The following SCIN variants were observed in gnomAD, a reference collection of about 807,000 sequenced individuals.
SCIN encodes adseverin.
In SCIN, 91 loss-of-function variants were observed where a neutral mutation model predicts 91.8. That is an observed-to-expected ratio of 0.99 (90% CI 0.84 to 1.18). SCIN has a LOEUF of 1.18. SCIN is among the 50% of genes most tolerant of loss of function. SCIN has a pLI of 0.00. For missense variants in SCIN, 1,087 were observed against 863.9 expected (o/e 1.26, Z -3.24); for synonymous variants, 367 against 312.6 (o/e 1.17, Z -1.84).
chr7:12,644,346 A>G (rs532767293), intron 12 of SCIN, 31 bp downstream of exon 12: 18 of 1,554,680 alleles, frequency 1.2e-5, no homozygotes, highest in Middle Eastern at 3.4e-4. Flanking sequence ...GGCACTAACT[A>G]GAATTTATAC....
intron 13 of SCIN, among the ~76,000 whole-genome samples, chr7:12,648,015 C>T (rs1344405332): frequency 6.6e-6 from 1 of 152,098 alleles, no homozygotes; most frequent in Non-Finnish European, 1.5e-5. Context: ...AATGGGGAAC[C>T]ATAATCCAAA....
At chr7:12,605,329 A>C (rs748306248) in intron 4 of SCIN, among the ~76,000 whole-genome samples, 1 of 152,078 alleles carries the variant, frequency 6.6e-6, no homozygotes, top group Admixed American at 6.6e-5. Context: ...GATTACAGGC[A>C]TGAGCCACCC....
At chr7:12,582,885 A>G (rs1427311991) in intron 3 of SCIN, among the ~76,000 whole-genome samples, 1 of 152,178 alleles carries the variant, frequency 6.6e-6, no homozygotes, top group Non-Finnish European at 1.5e-5. Flanking sequence ...CTCAACTTTC[A>G]TCTCCACCAC....
In SCIN at chr7:12,647,468, T is replaced by G. The variant is rs189014654; in HGVS notation, c.1882-1999T>G. Among the ~76,000 whole-genome samples, 9 of 152,304 alleles carry G rather than the reference T, an allele frequency of 5.9e-5. No individual in the cohort carries two copies. The East Asian group carries it at 1.4e-3, about 23-fold the overall frequency. On this transcript the variant is annotated intron_variant, in intron 13 of 15. Coordinates refer to ENST00000297029, the MANE Select transcript of SCIN (RefSeq NM_001112706.3). ...CAATCTGCCCATGTGCTGTCACTTA[T>G]CTGGTGGTAGTACTTGCTGGCTGTG... is the stretch of plus-strand genomic sequence containing the variant.
intron 13 of SCIN, among the ~76,000 whole-genome samples, chr7:12,648,831 G>A (rs911502234): frequency 1.3e-5 from 2 of 152,128 alleles, no homozygotes; most frequent in Non-Finnish European, 2.9e-5. Flanking sequence ...AGTTTATTGA[G>A]ATGCAAGGCT....
intron 5 of SCIN, among the ~76,000 whole-genome samples, chr7:12,623,554 T>C (rs1463750823): frequency 3.9e-5 from 6 of 152,140 alleles, no homozygotes; most frequent in Non-Finnish European, 7.4e-5. Context: ...CTGTTGAGGG[T>C]AACAAAAACT....
chr7:12,659,253 G>A lies in SCIN; in HGVS notation c.*6538G>A, dbSNP rs1784221095. On this transcript the variant is annotated 3_prime_UTR_variant, in exon 16 of 16. Transcript: ENST00000297029. ...TTACAGGCATGAGCCACCGCACCCA[G>A]CCCTATTTATGTTTTTTAAAAGCAC... The A allele has an allele frequency of 6.6e-6, 1 of 152,232 alleles. No homozygotes were observed. Among genetic ancestry groups the A allele is most frequent in the African/African-American group, 2.4e-5 (1 of 41,422 alleles). 9.4% of individuals were successfully genotyped at this position (152,232 alleles called of 1,614,324 possible).
intron 4 of SCIN, among the ~76,000 whole-genome samples, chr7:12,621,006 T>C (rs985306841): frequency 6.6e-6 from 1 of 152,148 alleles, no homozygotes; most frequent in African/African-American, 2.4e-5. Flanking sequence ...ATGAGCTAAA[T>C]GCCAATCGCG....
chr7:12,648,225 A>G (rs1301820053), intron 13 of SCIN, among the ~76,000 whole-genome samples: 2 of 152,104 alleles, frequency 1.3e-5, no homozygotes, highest in East Asian at 1.9e-4. Context: ...ATATTATGTT[A>G]TAATGTCATC....
At chr7:12,577,418 T>C (rs1782394231) in intron 1 of SCIN, 1 of 391,706 alleles carries the variant, frequency 2.6e-6, no homozygotes, top group Non-Finnish European at 5.0e-6. Context: ...ACTTGTCAAA[T>C]GTTTTCATAG....
chr7:12,612,400 C>T (rs1352217249), intron 4 of SCIN, among the ~76,000 whole-genome samples: 1 of 152,172 alleles, frequency 6.6e-6, no homozygotes, highest in Non-Finnish European at 1.5e-5. Context: ...CCTGAGGCTA[C>T]ACTGCATATA....
intron 11 of SCIN, among the ~76,000 whole-genome samples, chr7:12,643,341 G>A (rs1381305076): frequency 6.6e-6 from 1 of 152,102 alleles, no homozygotes; most frequent in Non-Finnish European, 1.5e-5. Context: ...TCTCTTGTCA[G>A]CTTCTATCCA....
chr7:12,596,497 G>A (rs1782844781), intron 3 of SCIN: 2 of 455,512 alleles, frequency 4.4e-6, no homozygotes, highest in Admixed American at 2.3e-5. Context: ...GAGGCAATGT[G>A]ATCATTGCTG....
intron 9 of SCIN, among the ~76,000 whole-genome samples, chr7:12,635,786 G>A (rs114965619): frequency 5.8e-4 from 88 of 151,936 alleles, no homozygotes; most frequent in African/African-American, 2.1e-3. Flanking sequence ...CAATTACTTA[G>A]CTAAATTATG....
intron 3 of SCIN, among the ~76,000 whole-genome samples, chr7:12,584,705 G>A (rs1195145415): frequency 2.6e-5 from 4 of 152,138 alleles, no homozygotes; most frequent in African/African-American, 7.2e-5. Context: ...AGAGTCATTG[G>A]AAAAACACTT....
intron 5 of SCIN, 31 bp downstream of exon 5, chr7:12,622,924 C>A: frequency 6.6e-7 from 1 of 1,516,840 alleles, no homozygotes; most frequent in South Asian, 1.1e-5. Flanking sequence ...TTTATTGTTT[C>A]AACAGTACTG....
At chr7:12,606,813 A>C (rs1057404841) in intron 4 of SCIN, among the ~76,000 whole-genome samples, 1 of 152,210 alleles carries the variant, frequency 6.6e-6, no homozygotes, top group Non-Finnish European at 1.5e-5. Flanking sequence ...TTAAAAAATT[A>C]AGATAAAATT....
chr7:12,625,143 G>A lies in SCIN; in HGVS notation c.892+1G>A. On this transcript the variant is annotated splice_donor_variant, in intron 6 of 15. Transcript: ENST00000297029. LOFTEE classifies it high-confidence loss of function. ...GCCAAACAAATTTTCGTATGGAAAG[G>A]TAAAAAATTCCATTGACGATGCTGT... 1 of 1,606,716 alleles carries A rather than the reference G, an allele frequency of 6.2e-7. No homozygotes were observed. The highest frequency in any genetic ancestry group is 1.3e-5 in the African/African-American group (1 of 74,762).
intron 3 of SCIN, among the ~76,000 whole-genome samples, chr7:12,603,236 C>A (rs1782995945): frequency 6.6e-6 from 1 of 152,028 alleles, no homozygotes; most frequent in African/African-American, 2.4e-5. Context: ...GCTTTGCCTC[C>A]CGGGTTCACG....
Sources: gnomAD v4.1 joint callset for allele counts (sites outside exome capture counted in the v4.1 genomes callset) on GRCh38, gnomAD v4.1.1 for gene constraint, MANE v1.5 for transcripts, NCBI Gene and HGNC (gene_info 2026-07-23, HGNC 2026-07-21) for gene names.